Variants in ZCWPW2 observed in about 807,000 individuals in gnomAD.
ZCWPW2 encodes the protein zinc finger CW-type and PWWP domain containing 2.
In ZCWPW2, 45 loss-of-function variants were observed where a neutral mutation model predicts 46.6. That is an observed-to-expected ratio of 0.96 (90% CI 0.76 to 1.24). The LOEUF (loss-of-function observed/expected upper bound fraction) is 1.24, where lower values mean the gene tolerates loss of function less well. ZCWPW2 is among the 50% of genes most tolerant of loss of function. The probability of loss-of-function intolerance (pLI) is 0.00; values close to 1 mark genes in which losing one functional copy is unlikely to be tolerated. For synonymous variants in ZCWPW2, 152 were observed against 137.1 expected, an observed-to-expected ratio of 1.11 and a Z score of -0.76; for missense variants, 429 against 403.9, an observed-to-expected ratio of 1.06 and a Z score of -0.53.
chr3:28,460,898 G>A, intron 4 of ZCWPW2: 1 of 191,220 alleles, frequency 5.2e-6, no homozygotes, highest in South Asian at 7.9e-5. Flanking sequence ...TTTATAATAG[G>A]TGGTAGTGTT....
At chr3:28,506,199 C>T (rs1700273903) in intron 6 of ZCWPW2, among the ~76,000 whole-genome samples, 1 of 150,352 alleles carries the variant, frequency 6.7e-6, no homozygotes, top group African/African-American at 2.4e-5. Flanking sequence ...AGCATTAATA[C>T]TTATTTGGTT....
rs1559467613 is a variant in ZCWPW2, at chr3:28,349,031, G to A, written c.-306G>A. 1 of 986,186 alleles carries A rather than the reference G, an allele frequency of 1.0e-6. No individual in the cohort carries two copies. The highest frequency in any genetic ancestry group is 1.2e-6 in the Non-Finnish European group (1 of 830,558). The allele number at this position is 986,186 out of a possible 1,614,324, so 61.1% of individuals were successfully genotyped here. ...GGGCTCGGCGCCAGGGACGCGCGAGGAAACCGGAAGTCAGGCCCGAGGGAG... is the reference window on the plus strand; with the variant it reads ...GGGCTCGGCGCCAGGGACGCGCGAGAAAACCGGAAGTCAGGCCCGAGGGAG... On this transcript the variant is annotated 5_prime_UTR_variant, in exon 1 of 10. Transcript: ENST00000383768.
intron 5 of ZCWPW2, among the ~76,000 whole-genome samples, chr3:28,480,973 C>G (rs1198077470): frequency 6.7e-6 from 1 of 148,902 alleles, no homozygotes; most frequent in Non-Finnish European, 1.5e-5. Flanking sequence ...TCAAACAATT[C>G]TCCTGTCTCA....
At chr3:28,401,991 A>G (rs1393651033) in intron 2 of ZCWPW2, among the ~76,000 whole-genome samples, 3 of 151,828 alleles carry the variant, frequency 2.0e-5, no homozygotes, top group African/African-American at 7.3e-5. Flanking sequence ...ACTAACAGAC[A>G]ATCTAAGGTC....
chr3:28,498,134 A>G (rs1486291078), intron 6 of ZCWPW2, among the ~76,000 whole-genome samples: 2 of 152,078 alleles, frequency 1.3e-5, no homozygotes, highest in Non-Finnish European at 2.9e-5. Flanking sequence ...AATAAGGACT[A>G]AAAAACAATA....
chr3:28,360,231 C>T (rs780916572), intron 1 of ZCWPW2, among the ~76,000 whole-genome samples: 5 of 151,090 alleles, frequency 3.3e-5, no homozygotes, highest in Non-Finnish European at 5.9e-5. Flanking sequence ...TCTGGCCGGG[C>T]GCGGTGGCTC....
At chr3:28,370,978 T>C (rs13061661) in intron 1 of ZCWPW2, among the ~76,000 whole-genome samples, 81,150 of 151,904 alleles carry the variant, frequency 0.53, 22,187 homozygotes, top group African/African-American at 0.58. Flanking sequence ...GTGATCCGCC[T>C]GCCTCAGCTT....
intron 3 of ZCWPW2, among the ~76,000 whole-genome samples, chr3:28,419,943 A>C (rs1185087082): frequency 9.9e-6 from 1 of 101,026 alleles, no homozygotes; most frequent in East Asian, 3.7e-4. Context: ...GGGAGGGGGG[A>C]GGGATAGCAT....
At chr3:28,365,315 A>C (rs1575051276) in intron 1 of ZCWPW2, among the ~76,000 whole-genome samples, 1 of 141,100 alleles carries the variant, frequency 7.1e-6, no homozygotes, top group East Asian at 1.9e-4. Flanking sequence ...ATCTTGAATT[A>C]ATTTTTGTAT....
At chr3:28,471,556 A>G (rs1045147315) in intron 4 of ZCWPW2, among the ~76,000 whole-genome samples, 18 of 152,296 alleles carry the variant, frequency 1.2e-4, no homozygotes, top group Admixed American at 8.5e-4. Context: ...GCATCCCTTT[A>G]TGATAAAAAC....
At chr3:28,421,774 G>C (rs981518980) in intron 3 of ZCWPW2, among the ~76,000 whole-genome samples, 1 of 151,268 alleles carries the variant, frequency 6.6e-6, no homozygotes, top group Non-Finnish European at 1.5e-5. Flanking sequence ...TTGATAGAGG[G>C]AGAAATAGAA....
chr3:28,464,173 G>A (rs1313325381), intron 4 of ZCWPW2, among the ~76,000 whole-genome samples: 1 of 151,726 alleles, frequency 6.6e-6, no homozygotes, highest in Non-Finnish European at 1.5e-5. Context: ...AATGTGTCTT[G>A]GAGCTTGAGC....
intron 1 of ZCWPW2, among the ~76,000 whole-genome samples, chr3:28,361,520 CA>C (rs34366329): frequency 0.21 from 31,582 of 151,542 alleles, 3,671 homozygotes; most frequent in Admixed American, 0.28. Flanking sequence ...GGAATAAAAG[CA>C]AAAATAAACA....
At chr3:28,516,547 A>G (rs1251574318) in intron 8 of ZCWPW2, among the ~76,000 whole-genome samples, 1 of 152,194 alleles carries the variant, frequency 6.6e-6, no homozygotes, top group African/African-American at 2.4e-5. Context: ...CTTGAAAAGC[A>G]GTGAAATGCT....
At chr3:28,503,061 G>T (rs1043960987) in intron 6 of ZCWPW2, among the ~76,000 whole-genome samples, 3 of 152,026 alleles carry the variant, frequency 2.0e-5, no homozygotes, top group Non-Finnish European at 4.4e-5. Flanking sequence ...AAATTCAGTT[G>T]AGATTAATTT....
intron 1 of ZCWPW2, among the ~76,000 whole-genome samples, chr3:28,369,072 C>G (rs1705220765): frequency 6.6e-6 from 1 of 151,992 alleles, no homozygotes; most frequent in South Asian, 2.1e-4. Flanking sequence ...AATTTTTTTT[C>G]AAGGTTTCTA....
chr3:28,489,236 T>A (rs1559526371), intron 5 of ZCWPW2, among the ~76,000 whole-genome samples: 1 of 152,140 alleles, frequency 6.6e-6, no homozygotes. Context: ...AGTTTTTGAG[T>A]TTCTTTTTGT....
intron 9 of ZCWPW2, among the ~76,000 whole-genome samples, chr3:28,523,296 G>A (rs1443862314): frequency 6.6e-6 from 1 of 152,066 alleles, no homozygotes; most frequent in East Asian, 1.9e-4. Flanking sequence ...AGGATATTTG[G>A]GTTCTTGTTC....
At chr3:28,471,365 A>G (rs985856692) in intron 4 of ZCWPW2, among the ~76,000 whole-genome samples, 1 of 152,164 alleles carries the variant, frequency 6.6e-6, no homozygotes. Context: ...ACAAAATACT[A>G]GCAAATATAA....
Sources: allele counts gnomAD v4.1 joint callset (sites outside exome capture counted in the v4.1 genomes callset), GRCh38; gene constraint gnomAD v4.1.1; transcripts MANE v1.5; gene names NCBI Gene and HGNC (gene_info 2026-07-23, HGNC 2026-07-21).